SIN3A: variants seen among roughly 807,000 people sequenced by gnomAD.
SIN3A encodes the protein SIN3 transcription regulator family member A, also known as paired amphipathic helix protein Sin3a.
A neutral mutation model predicts 146.1 loss-of-function variants in SIN3A; 14 were observed. The observed-to-expected ratio is 0.10, with a 90% CI of 0.06 to 0.15. The LOEUF (loss-of-function observed/expected upper bound fraction) is 0.15. Among genes scored for constraint, SIN3A ranks in the 10% least tolerant of loss-of-function variants. The pLI, the probability that SIN3A is intolerant of heterozygous loss-of-function variation, is 1.00. For synonymous variants in SIN3A, 572 were observed against 572.0 expected, an observed-to-expected ratio of 1.00 and a Z score of 0.00; for missense variants, 1,028 against 1,576.0, an observed-to-expected ratio of 0.65 and a Z score of 5.89.
chr15:75,394,393 T>TCC (rs2073264862), intron 14 of SIN3A, among the ~76,000 whole-genome samples: 1 of 152,214 alleles, frequency 6.6e-6, no homozygotes, highest in South Asian at 2.1e-4. Flanking sequence ...CAAGGTATTA[T>TCC]TGTTTGAAGG....
Position 75,435,239 on chromosome 15 carries a change from C to T in SIN3A, c.-33-4831G>A, listed in dbSNP as rs185538525. ...ATCAATTCCACTTTCAGGCCTGTAT[C>T]CTACACATCTGCTGAGTATATTTAT... On this transcript the variant is annotated intron_variant, in intron 1 of 20. Coordinates refer to ENST00000394947, the MANE Select transcript of SIN3A (RefSeq NM_001145358.2). Among the ~76,000 whole-genome samples, 12 of 151,736 alleles carry T rather than the reference C, an allele frequency of 7.9e-5. No individual in the cohort carries two copies. The East Asian group carries it at 2.3e-3, about 29-fold the overall frequency.
rs2074360665 is a variant in SIN3A, at chr15:75,449,324, C to G, written c.-34+2099G>C. On this transcript the variant is annotated intron_variant, in intron 1 of 20. Coordinates refer to ENST00000394947, the MANE Select transcript of SIN3A (RefSeq NM_001145358.2). ...CACATAAATATAGCACAGGGTACCA[C>G]TCAGGCCCTACTAACCAAAGCACAA... 3.9e-5 allele frequency among the ~76,000 whole-genome samples: 6 copies of G among 152,232 alleles called. No individual in the cohort carries two copies. In the South Asian group the frequency reaches 1.0e-3, roughly 26 times the overall value.
At chr15:75,410,040 A>G (rs1037740681) in intron 7 of SIN3A, 49 bp from the exon 8 acceptor site, 95 of 1,608,268 alleles carry the variant, frequency 5.9e-5, no homozygotes, top group Non-Finnish European at 7.3e-5. Flanking sequence ...AAGCAAACAA[A>G]TATCATCTAG....
At chr15:75,376,688 T>C (rs2072862411) in intron 19 of SIN3A, among the ~76,000 whole-genome samples, 1 of 121,574 alleles carries the variant, frequency 8.2e-6, no homozygotes, top group Non-Finnish European at 1.7e-5. Context: ...AAAAACCCCT[T>C]CTCTACAAAA....
Position 75,430,308 on chromosome 15 carries a change from C to T in SIN3A, c.68G>A (p.Ser23Asn). The change falls in exon 2 of 21, where the codon AGC becomes AAC. Residue 23 changes from serine to asparagine, a missense_variant. Transcript: ENST00000394947. ...GTGCTGGTGAGGAAAAGCCTCTGTG[C>T]TGCCAGGGATCCGACGCTGCTGGGC... is the stretch of plus-strand genomic sequence containing the variant. ...YAAQQRRIPG[S>N]TEAFPHQHRV... 1.2e-6 allele frequency: 2 copies of T among 1,614,144 alleles called. No individual in the cohort carries two copies. The highest frequency in any genetic ancestry group is 8.5e-7 in the Non-Finnish European group (1 of 1,180,022).
intron 13 of SIN3A, 101 bp from the exon 14 acceptor site, chr15:75,394,964 T>G (rs976218858): frequency 5.5e-5 from 60 of 1,097,046 alleles, no homozygotes; most frequent in Non-Finnish European, 7.2e-5. Context: ...GGTGCAAAGC[T>G]ATATTAGGTC....
chr15:75,432,334 T>C (rs2074026534), intron 1 of SIN3A, among the ~76,000 whole-genome samples: 1 of 152,154 alleles, frequency 6.6e-6, no homozygotes, highest in Non-Finnish European at 1.5e-5. Flanking sequence ...TTGGGTTCTG[T>C]TGGTTTAAAA....
At chr15:75,409,117 T>C (rs1458394947) in intron 8 of SIN3A, among the ~76,000 whole-genome samples, 1 of 151,952 alleles carries the variant, frequency 6.6e-6, no homozygotes, top group African/African-American at 2.4e-5. Flanking sequence ...GGCAGGATAA[T>C]TGCTTGAACC....
At chr15:75,393,735 A>AT (rs1333085729) in intron 14 of SIN3A, among the ~76,000 whole-genome samples, 2 of 152,094 alleles carry the variant, frequency 1.3e-5, no homozygotes, top group African/African-American at 4.8e-5. Flanking sequence ...GAGATCTGTG[A>AT]TTTACTTTAC....
At chr15:75,449,501 A>G (rs1436302911) in intron 1 of SIN3A, among the ~76,000 whole-genome samples, 1 of 152,266 alleles carries the variant, frequency 6.6e-6, no homozygotes, top group Non-Finnish European at 1.5e-5. Context: ...ATCAAGTGAA[A>G]GCAAAAACCT....
At chr15:75,388,409 A>AC (rs2073133226) in intron 16 of SIN3A, 1 of 152,320 alleles carries the variant, frequency 6.6e-6, no homozygotes, top group East Asian at 1.9e-4. Context: ...GACCCATCTG[A>AC]CCCATGGTAA....
At position 75,444,116 on chromosome 15, in the gene SIN3A, T is replaced by C. The variant is rs768487490; in HGVS notation, c.-34+7307A>G. The stretch of plus-strand genomic sequence containing the variant: ...ATAAGATCAGTAAAACTCCACAACA[T>C]TGTTTCGATGTACAAGTGGTAATAG... On this transcript the variant is annotated intron_variant, in intron 1 of 20. Transcript: ENST00000394947. Among the ~76,000 whole-genome samples, 78 of 152,194 alleles carry C rather than the reference T, an allele frequency of 5.1e-4. 3 individuals are homozygous for C. Among genetic ancestry groups the C allele is most frequent in the Admixed American group, 3.5e-3 (53 of 15,270 alleles).
chr15:75,432,726 G>T (rs2074033421), intron 1 of SIN3A, among the ~76,000 whole-genome samples: 2 of 146,882 alleles, frequency 1.4e-5, no homozygotes, highest in Non-Finnish European at 3.0e-5. Flanking sequence ...TGTTATGATA[G>T]GGCAGCACTG....
intron 12 of SIN3A, 51 bp downstream of exon 12, chr15:75,399,989 C>A: frequency 2.0e-6 from 2 of 982,692 alleles, no homozygotes; most frequent in Non-Finnish European, 3.3e-6. Context: ...CTGATAGTCT[C>A]ACTGAGCATC....
chr15:75,429,261 A>G (rs1225732962), intron 2 of SIN3A, among the ~76,000 whole-genome samples: 1 of 152,064 alleles, frequency 6.6e-6, no homozygotes, highest in African/African-American at 2.4e-5. Flanking sequence ...TCTCTACAAA[A>G]ATCATAAAAA....
chr15:75,409,800 T>C (rs1463464900), intron 8 of SIN3A, 36 bp downstream of exon 8: 1 of 1,603,580 alleles, frequency 6.2e-7, no homozygotes, highest in Non-Finnish European at 8.5e-7. Context: ...GAAATACTTG[T>C]GAGTGTCAAA....
intron 8 of SIN3A, among the ~76,000 whole-genome samples, chr15:75,408,626 G>T (rs1170070846): frequency 6.6e-6 from 1 of 152,208 alleles, no homozygotes; most frequent in African/African-American, 2.4e-5. Flanking sequence ...TCTGCAGGCA[G>T]ACCATCAGTG....
intron 9 of SIN3A, among the ~76,000 whole-genome samples, chr15:75,405,056 T>C (rs2073484233): frequency 6.6e-6 from 1 of 151,362 alleles, no homozygotes; most frequent in Non-Finnish European, 1.5e-5. Flanking sequence ...GTAAGAAGGA[T>C]CACTTGAGCC....
intron 9 of SIN3A, among the ~76,000 whole-genome samples, chr15:75,402,327 C>A (rs1185509952): frequency 6.6e-6 from 1 of 152,066 alleles, no homozygotes; most frequent in African/African-American, 2.4e-5. Flanking sequence ...GACTGGCCAA[C>A]ATGCTGAAAC....
Sources: allele counts gnomAD v4.1 joint callset (sites outside exome capture counted in the v4.1 genomes callset), GRCh38; gene constraint gnomAD v4.1.1; transcripts MANE v1.5; gene names NCBI Gene and HGNC (gene_info 2026-07-23, HGNC 2026-07-21).